The following EPHA3 variants were observed in gnomAD, a reference collection of about 807,000 sequenced individuals.
EPHA3 encodes ephrin type-A receptor 3.
A neutral mutation model predicts 107.1 loss-of-function variants in EPHA3; 42 were observed. The observed-to-expected ratio is 0.39, with a 90% CI of 0.31 to 0.51. The LOEUF (loss-of-function observed/expected upper bound fraction) is 0.51. Among genes scored for constraint, EPHA3 ranks in the 20% least tolerant of loss-of-function variants. The pLI is 0.78. For missense variants in EPHA3, 1,183 were observed against 1,211.2 expected (o/e 0.98, Z 0.35); for synonymous variants, 461 against 424.8 (o/e 1.09, Z -1.05).
intron 2 of EPHA3, among the ~76,000 whole-genome samples, chr3:89,199,729 T>C (rs1242073664): frequency 6.6e-6 from 1 of 151,744 alleles, no homozygotes; most frequent in Non-Finnish European, 1.5e-5. Flanking sequence ...TCTAGAAATG[T>C]ATACCTTCTT....
intron 5 of EPHA3, among the ~76,000 whole-genome samples, chr3:89,351,320 T>C (rs1340765880): frequency 2.0e-5 from 3 of 151,332 alleles, no homozygotes; most frequent in Admixed American, 6.6e-5. Flanking sequence ...AGTCTCGTGG[T>C]GCGCTGTTTT....
intron 15 of EPHA3, among the ~76,000 whole-genome samples, 170 bp downstream of exon 15, chr3:89,450,540 G>A (rs1435642395): frequency 3.3e-5 from 5 of 151,822 alleles, no homozygotes; most frequent in South Asian, 2.1e-4. Context: ...ACTAATTCTC[G>A]TCCTCCTTAA....
At chr3:89,159,954 C>T (rs1704893768) in intron 2 of EPHA3, among the ~76,000 whole-genome samples, 1 of 151,384 alleles carries the variant, frequency 6.6e-6, no homozygotes, top group Non-Finnish European at 1.5e-5. Context: ...CCTTCTTTTC[C>T]TTCTTCCTAT....
intron 5 of EPHA3, among the ~76,000 whole-genome samples, chr3:89,382,291 T>C (rs115638985): frequency 0.016 from 2,426 of 152,076 alleles, 66 homozygotes; most frequent in African/African-American, 0.055. Flanking sequence ...GTGGATTACC[T>C]GAGGTCAAGA....
chr3:89,309,303 G>A (rs1282787922), intron 3 of EPHA3, among the ~76,000 whole-genome samples: 3 of 152,064 alleles, frequency 2.0e-5, no homozygotes, highest in Non-Finnish European at 2.9e-5. Context: ...ATTTTGATAC[G>A]GAGAAGGGGA....
intron 3 of EPHA3, among the ~76,000 whole-genome samples, chr3:89,236,598 G>GA (rs1419536753): frequency 2.2e-4 from 26 of 118,864 alleles, no homozygotes; most frequent in African/African-American, 6.9e-4. Context: ...GGGGGAGGGG[G>GA]GAGGGATAGC....
rs2107553518 is a variant in EPHA3, at chr3:89,449,304, G to A, written c.2426G>A (p.Ser809Asn). 6.2e-7 allele frequency: 1 copy of A among 1,612,944 alleles called. No individual in the cohort carries two copies. The highest frequency in any genetic ancestry group is 1.1e-5 in the South Asian group (1 of 90,940). ...RKFTSASDVW[S>N]YGIVLWEVMS... ...TTCACGTCAGCCAGCGATGTATGGA[G>A]TTATGGGATTGTTCTCTGGGAGGTG... is the stretch of plus-strand genomic sequence containing the variant. The change falls in exon 14 of 17, where the codon AGT becomes AAT. Residue 809 changes from serine (S) to asparagine (N), a missense_variant. Ser to Asn is a conservative substitution (Grantham distance 46). Transcript: ENST00000336596.
At chr3:89,350,040 G>T (rs898298616) in intron 5 of EPHA3, among the ~76,000 whole-genome samples, 2 of 150,510 alleles carry the variant, frequency 1.3e-5, no homozygotes, top group African/African-American at 2.4e-5. Context: ...CTCTCTGGCT[G>T]CCCTTAACAT....
chr3:89,386,008 C>T (rs1708613253), intron 5 of EPHA3, among the ~76,000 whole-genome samples: 1 of 152,042 alleles, frequency 6.6e-6, no homozygotes, highest in African/African-American at 2.4e-5. Context: ...TTGCCCCTGC[C>T]CTCGAGATCA....
At chr3:89,255,894 C>A (rs1705272592) in intron 3 of EPHA3, among the ~76,000 whole-genome samples, 1 of 151,204 alleles carries the variant, frequency 6.6e-6, no homozygotes, top group Admixed American at 6.6e-5. Context: ...GAGTGAGACT[C>A]CATCTCAAAA....
intron 2 of EPHA3, among the ~76,000 whole-genome samples, chr3:89,146,883 C>A (rs768652998): frequency 7.2e-5 from 11 of 151,866 alleles, no homozygotes; most frequent in Admixed American, 3.9e-4. Context: ...TTCCCAACAA[C>A]ACACATATGT....
chr3:89,243,440 C>T (rs1402993606), intron 3 of EPHA3, among the ~76,000 whole-genome samples: 16 of 152,154 alleles, frequency 1.1e-4, no homozygotes, highest in South Asian at 6.2e-4. Flanking sequence ...TTTTAATGAT[C>T]GCCATTCTAA....
chr3:89,130,219 T>A (rs908743805), intron 2 of EPHA3, among the ~76,000 whole-genome samples: 15 of 152,218 alleles, frequency 9.9e-5, no homozygotes, highest in African/African-American at 2.4e-4. Flanking sequence ...AAAAGAAGAA[T>A]GACCTGGTCT....
chr3:89,342,040 G>T lies in EPHA3; in HGVS notation c.1256G>T (p.Ser419Ile), dbSNP rs1282140504. 4 of 1,611,438 alleles carry T rather than the reference G, an allele frequency of 2.5e-6. No individual in the cohort carries two copies. The Admixed American group carries it at 6.7e-5, about 27-fold the overall frequency. The change falls in exon 5 of 17, where the codon AGC becomes ATC. Residue 419 changes from serine to isoleucine, a missense_variant. Transcript: ENST00000336596. ...IDAVNGVSEL[S>I]SPPRQFAAVS... ...GCCGTTAATGGGGTGTCAGAGCTGA[G>T]CTCCCCACCAAGACAGTTTGCTGCG...
intron 3 of EPHA3, among the ~76,000 whole-genome samples, chr3:89,229,332 A>G (rs976954424): frequency 2.6e-5 from 4 of 151,910 alleles, no homozygotes; most frequent in African/African-American, 7.2e-5. Flanking sequence ...TTCCACTACT[A>G]TAGAAAAACT....
chr3:89,429,787 AATGGTGCAATGGTGCAATGGTGCAATG>A lies in EPHA3; in HGVS notation c.2136+621_2136+647del, dbSNP rs566582140. 9.6e-3 allele frequency among the ~76,000 whole-genome samples: 1,447 copies of A among 151,004 alleles called. 26 individuals carry two copies. Among genetic ancestry groups the A allele is most frequent in the African/African-American group, 0.034 (1,388 of 41,230 alleles). ...ACTCTTGTTGCCCAGGCAATGGTGC[AATGGTGCAATGGTGCAATGGTGCAATG>A]GTGCAATGGTGCAATCTTGGCTCAC... On this transcript the variant is annotated intron_variant, in intron 12 of 16. Transcript: ENST00000336596.
intron 5 of EPHA3, among the ~76,000 whole-genome samples, chr3:89,369,236 C>A (rs1369822680): frequency 6.6e-6 from 1 of 150,896 alleles, no homozygotes; most frequent in Non-Finnish European, 1.5e-5. Flanking sequence ...ATCAGGCTAC[C>A]TGACTTCAAA....
chr3:89,120,052 G>T (rs1257467644), intron 1 of EPHA3, among the ~76,000 whole-genome samples: 1 of 152,146 alleles, frequency 6.6e-6, no homozygotes, highest in African/African-American at 2.4e-5. Context: ...ATGATAATAT[G>T]ATTTTTTAAA....
Position 89,399,353 on chromosome 3 carries a change from A to C in EPHA3, c.1467A>C (p.Ala489=). 1 of 1,613,598 alleles carries C rather than the reference A, an allele frequency of 6.2e-7. No individual in the cohort carries two copies. The highest frequency in any genetic ancestry group is 8.5e-7 in the Non-Finnish European group (1 of 1,179,644). The change falls in exon 7 of 17, where the codon GCA becomes GCC. Residue 489 remains alanine, a synonymous_variant. Transcript: ENST00000336596. ...AAACAAGTTATACCATTCTGAGGGC[A>C]AGAGGCACAAATGTTACCATCAGTA... ...EQETSYTILR[A]RGTNVTISSL...
Sources: allele counts gnomAD v4.1 joint callset (sites outside exome capture counted in the v4.1 genomes callset), GRCh38; gene constraint gnomAD v4.1.1; transcripts MANE v1.5; gene names NCBI Gene and HGNC (gene_info 2026-07-23, HGNC 2026-07-21).